Variants in TENM2 observed in about 807,000 individuals in gnomAD.
The protein encoded by TENM2 is teneurin-2.
Under a neutral mutation model 245.2 loss-of-function variants are expected in TENM2, and 52 were observed. The ratio of observed to expected loss-of-function variants is 0.21; its 90% CI spans 0.17 to 0.27. The LOEUF is 0.27. Among genes scored for constraint, TENM2 ranks in the 10% least tolerant of loss-of-function variants. The pLI is 1.00. For missense variants in TENM2, 3,046 were observed against 3,666.8 expected (o/e 0.83, Z 4.37); for synonymous variants, 1,363 against 1,438.9 (o/e 0.95, Z 1.19).
At chr5:168,118,538 G>C in intron 10 of TENM2, 52 bp downstream of exon 12, 1 of 1,411,838 alleles carries the variant, frequency 7.1e-7, no homozygotes, top group South Asian at 1.7e-5. Flanking sequence ...GCGTTTGCAG[G>C]GCCTGACCTT....
At chr5:167,227,407 T>C in the TENM2 span, among the ~76,000 whole-genome samples, 31,422 of 152,108 alleles carry the variant, frequency 0.21, 3,786 homozygotes, top group African/African-American at 0.33. Flanking sequence ...CTTGCACTTC[T>C]GAGTTTAAAA....
At chr5:167,754,662 A>C (rs980577677) in intron 2 of TENM2, among the ~76,000 whole-genome samples, 1 of 151,550 alleles carries the variant, frequency 6.6e-6, no homozygotes, top group African/African-American at 2.4e-5. Context: ...AAAACAACAG[A>C]AATTGTGCAT....
At chr5:167,099,462 G>A in the TENM2 span, among the ~76,000 whole-genome samples, 2 of 152,148 alleles carry the variant, frequency 1.3e-5, no homozygotes, top group African/African-American at 2.4e-5. Flanking sequence ...TTGGGAGGCC[G>A]AGGCGGGCGG....
intron 2 of TENM2, among the ~76,000 whole-genome samples, chr5:167,604,000 C>T (rs1464490156): frequency 6.6e-6 from 1 of 152,112 alleles, no homozygotes; most frequent in East Asian, 1.9e-4. Flanking sequence ...TAATAAACAG[C>T]TGCCTGCTGT....
intron 5 of TENM2, among the ~76,000 whole-genome samples, chr5:168,002,960 T>C (rs1784520366): frequency 6.6e-6 from 1 of 152,194 alleles, no homozygotes; most frequent in South Asian, 2.1e-4. Flanking sequence ...AATGAAATAG[T>C]ACAGTTACCA....
chr5:168,186,371 C>T (rs1029735669), intron 13 of TENM2: 1 of 152,168 alleles, frequency 6.6e-6, no homozygotes, highest in East Asian at 1.9e-4. Context: ...AAAGTTTCTC[C>T]ATGATCACAT....
intron 12 of TENM2, among the ~76,000 whole-genome samples, chr5:168,142,346 G>A (rs1215758278): frequency 1.3e-4 from 20 of 152,198 alleles, no homozygotes. Flanking sequence ...CAGTGCTCCT[G>A]GAATGGCTTT....
chr5:167,027,771 T>C, the TENM2 span, among the ~76,000 whole-genome samples: 242 of 152,240 alleles, frequency 1.6e-3, no homozygotes, highest in African/African-American at 5.4e-3. Context: ...TTGTTTCAGA[T>C]ATCCATATAA....
At chr5:167,777,957 T>C (rs1202077901) in intron 2 of TENM2, among the ~76,000 whole-genome samples, 1 of 152,236 alleles carries the variant, frequency 6.6e-6, no homozygotes, top group Non-Finnish European at 1.5e-5. Flanking sequence ...TTGTAAATAA[T>C]GTTTTCTTGG....
chr5:167,284,204 AC>A (rs1771207126), upstream of TENM2, among the ~76,000 whole-genome samples: 1 of 152,244 alleles, frequency 6.6e-6, no homozygotes, highest in South Asian at 2.1e-4. Context: ...GTCGAGAACA[AC>A]TTTTATTCTT....
intron 1 of TENM2, among the ~76,000 whole-genome samples, chr5:167,352,690 A>G (rs374460012): frequency 2.6e-4 from 40 of 152,336 alleles, no homozygotes; most frequent in African/African-American, 9.6e-4. Context: ...AGATGATAGC[A>G]CAATTTTTAT....
intron 13 of TENM2, among the ~76,000 whole-genome samples, chr5:168,173,444 A>C (rs1465850873): frequency 6.6e-6 from 1 of 152,136 alleles, no homozygotes; most frequent in Non-Finnish European, 1.5e-5. Context: ...CTAGATTAGA[A>C]TGAGTGGAGA....
At chr5:167,852,324 A>C (rs967033572) in intron 2 of TENM2, among the ~76,000 whole-genome samples, 10 of 152,192 alleles carry the variant, frequency 6.6e-5, no homozygotes, top group Admixed American at 5.9e-4. Flanking sequence ...TCAGCGCATG[A>C]CTGTAATAGG....
Position 167,838,124 on chromosome 5 carries a change from C to T in TENM2, c.503-37862C>T, listed in dbSNP as rs370278730. 2.3e-4 allele frequency among the ~76,000 whole-genome samples: 35 copies of T among 152,228 alleles called. 1 individual carries two copies. The highest frequency in any genetic ancestry group is 1.9e-3 in the East Asian group (10 of 5,200). The stretch of plus-strand genomic sequence containing the variant: ...CAAGTTGGCAACTTCTGACATAAAG[C>T]AATGGCTGATAAGTATAATGACGAG... On this transcript the variant is annotated intron_variant, in intron 2 of 28. Coordinates refer to ENST00000518659, the Ensembl canonical transcript of TENM2.
chr5:167,469,223 A>T (rs1418349199), intron 2 of TENM2, among the ~76,000 whole-genome samples: 2 of 152,160 alleles, frequency 1.3e-5, no homozygotes, highest in African/African-American at 4.8e-5. Flanking sequence ...CTGCATCAAA[A>T]TGCATATTTT....
intron 8 of TENM2, 95 bp downstream of exon 10, chr5:168,090,864 A>T: frequency 2.7e-6 from 3 of 1,107,412 alleles, no homozygotes; most frequent in Non-Finnish European, 2.6e-6. Flanking sequence ...GGTAGTTTCT[A>T]CTACAGATGA....
intron 3 of TENM2, among the ~76,000 whole-genome samples, chr5:167,929,136 A>G (rs1296811734): frequency 6.9e-6 from 1 of 144,000 alleles, no homozygotes; most frequent in Non-Finnish European, 1.5e-5. Flanking sequence ...AAAGAAAAGA[A>G]AGAAGGGAGG....
At chr5:167,223,053 T>A in the TENM2 span, among the ~76,000 whole-genome samples, 1 of 152,142 alleles carries the variant, frequency 6.6e-6, no homozygotes, top group Non-Finnish European at 1.5e-5. Context: ...TTAAAATTTT[T>A]TGACATATTT....
At chr5:167,716,920 TATTTTATTTTATTTTATTTTA>T (rs1759306687) in intron 2 of TENM2, among the ~76,000 whole-genome samples, 1 of 141,120 alleles carries the variant, frequency 7.1e-6, no homozygotes, top group African/African-American at 2.7e-5. Flanking sequence ...TATTTTATTT[TATTTTATTTTATTTTATTTTA>T]TTCTATTCTA....
Sources: allele counts gnomAD v4.1 joint callset (sites outside exome capture counted in the v4.1 genomes callset), GRCh38; gene constraint gnomAD v4.1.1; transcripts MANE v1.5; gene names NCBI Gene and HGNC (gene_info 2026-07-23, HGNC 2026-07-21).